CDH8: variants seen among roughly 807,000 people sequenced by gnomAD.
CDH8 encodes cadherin 8, also known as cadherin-8.
Under a neutral mutation model 68.1 loss-of-function variants are expected in CDH8, and 17 were observed. That is an observed-to-expected ratio of 0.25 (90% CI 0.17 to 0.37). The LOEUF is 0.37. Ranked by LOEUF, CDH8 falls within the 10% of genes least tolerant of loss-of-function variation. CDH8 has a pLI of 1.00. For missense variants in CDH8, 763 were observed against 999.3 expected (o/e 0.76, Z 3.19); for synonymous variants, 372 against 365.1 (o/e 1.02, Z -0.21).
chr16:61,711,235 C>A (rs1372667484), intron 10 of CDH8, among the ~76,000 whole-genome samples: 3 of 151,720 alleles, frequency 2.0e-5, no homozygotes, highest in African/African-American at 4.8e-5. Flanking sequence ...GCATTAGGAC[C>A]AATCCATATA....
At position 61,655,667 on chromosome 16, in the gene CDH8, T is replaced by C. The variant is rs377335189; in HGVS notation, c.1709A>G (p.Glu570Gly). 4.0e-5 allele frequency: 65 copies of C among 1,614,020 alleles called. No individual in the cohort carries two copies. Among genetic ancestry groups the C allele is most frequent in the Non-Finnish European group, 5.5e-5 (65 of 1,179,916 alleles). ...GATTATGATTGGTAAAAGATAGACT[T>C]CTTGCTTCTGGCGGTTGAATCCATT... ...KHNGFNRQKQ[E>G]VYLLPIIISD... Residue 570 changes from glutamate to glycine, a missense_variant, in exon 11 of 12, where the codon GAA (glutamate) becomes GGA (glycine). Physicochemically the swap from Glu to Gly is moderately conservative, Grantham distance 98. This residue lies in a region of CDH8 where 397 missense variants were observed against 436.2 expected (regional missense o/e 0.91). Coordinates refer to ENST00000577390, the MANE Select transcript of CDH8 (RefSeq NM_001796.5).
intron 8 of CDH8, among the ~76,000 whole-genome samples, chr16:61,759,730 A>G (rs1006829114): frequency 6.6e-6 from 1 of 152,118 alleles, no homozygotes; most frequent in Non-Finnish European, 1.5e-5. Flanking sequence ...TTAAAATCTC[A>G]GAGTGTTTTT....
At chr16:61,702,367 G>T (rs1009448777) in intron 10 of CDH8, among the ~76,000 whole-genome samples, 1 of 148,236 alleles carries the variant, frequency 6.7e-6, no homozygotes, top group Non-Finnish European at 1.5e-5. Context: ...GCGAGACTCC[G>T]TCTCAAAAAA....
At chr16:61,706,477 C>T (rs1037866257) in intron 10 of CDH8, among the ~76,000 whole-genome samples, 3 of 151,900 alleles carry the variant, frequency 2.0e-5, no homozygotes, top group Non-Finnish European at 4.4e-5. Flanking sequence ...AAAAATTAGC[C>T]GGGCGTGGTG....
At chr16:61,782,427 C>A (rs542457053) in intron 8 of CDH8, among the ~76,000 whole-genome samples, 1 of 151,948 alleles carries the variant, frequency 6.6e-6, no homozygotes, top group African/African-American at 2.4e-5. Context: ...ACACCTGGCT[C>A]GGAGGGTCCT....
At chr16:61,971,717 T>C (rs180810324) in intron 2 of CDH8, among the ~76,000 whole-genome samples, 68 of 152,272 alleles carry the variant, frequency 4.5e-4, no homozygotes, top group African/African-American at 1.6e-3. Context: ...GGGGTTGAAA[T>C]GCCTCTGTCT....
intron 8 of CDH8, among the ~76,000 whole-genome samples, chr16:61,759,695 AGCTCGAGGATGAT>A (rs903577026): frequency 1.3e-5 from 2 of 152,196 alleles, no homozygotes; most frequent in African/African-American, 4.8e-5. Context: ...ATACTGGGTC[AGCTCGAGGATGAT>A]GCTCTAATGA....
chr16:62,011,500 C>T (rs895544565), intron 2 of CDH8, among the ~76,000 whole-genome samples: 14 of 152,210 alleles, frequency 9.2e-5, no homozygotes, highest in African/African-American at 3.4e-4. Flanking sequence ...GCCTCCTTGA[C>T]CCTTTTTTAA....
At chr16:61,861,871 A>G (rs995781026) in intron 3 of CDH8, among the ~76,000 whole-genome samples, 4 of 152,226 alleles carry the variant, frequency 2.6e-5, no homozygotes, top group Admixed American at 6.5e-5. Context: ...AGTTATTGAC[A>G]CTACGAGCTT....
At chr16:61,719,994 A>AACACAC (rs10595910) in intron 9 of CDH8, among the ~76,000 whole-genome samples, 25 of 147,182 alleles carry the variant, frequency 1.7e-4, no homozygotes, top group Middle Eastern at 3.4e-3. Context: ...CTTATTAGGT[A>AACACAC]ACACACACAC....
At chr16:61,920,869 G>T (rs1295353394) in intron 2 of CDH8, among the ~76,000 whole-genome samples, 1 of 97,876 alleles carries the variant, frequency 1.0e-5, no homozygotes, top group Non-Finnish European at 2.1e-5. Flanking sequence ...GTCCAACAAT[G>T]ATAGACTGGA....
intron 4 of CDH8, among the ~76,000 whole-genome samples, chr16:61,852,885 C>T (rs1215924175): frequency 7.9e-5 from 9 of 113,210 alleles, no homozygotes; most frequent in East Asian, 5.4e-4. Flanking sequence ...TTCCTTCCTT[C>T]CTTCCTTCCA....
At chr16:61,790,405 G>A (rs1961351569) in intron 7 of CDH8, among the ~76,000 whole-genome samples, 1 of 152,004 alleles carries the variant, frequency 6.6e-6, no homozygotes, top group South Asian at 2.1e-4. Context: ...AGACTACAAG[G>A]TGGACTATTG....
chr16:61,731,820 T>C (rs1959545598), intron 8 of CDH8, among the ~76,000 whole-genome samples: 1 of 150,880 alleles, frequency 6.6e-6, no homozygotes, highest in Non-Finnish European at 1.5e-5. Flanking sequence ...TTTAACAGAG[T>C]TCAAAGTAGC....
chr16:61,796,733 G>A (rs367921563), intron 7 of CDH8, among the ~76,000 whole-genome samples: 3 of 151,968 alleles, frequency 2.0e-5, no homozygotes, highest in Admixed American at 6.6e-5. Flanking sequence ...TTTACTTTGC[G>A]GAATTAAGGA....
intron 8 of CDH8, among the ~76,000 whole-genome samples, chr16:61,768,311 C>CTCTCT (rs1567461041): frequency 2.2e-3 from 36 of 16,388 alleles, no homozygotes; most frequent in South Asian, 3.7e-3. Context: ...TGTGTCTCTC[C>CTCTCT]CTTTCTCTCT....
chr16:61,963,841 T>G (rs4783768), intron 2 of CDH8, among the ~76,000 whole-genome samples: 46,355 of 152,138 alleles, frequency 0.3, 8,073 homozygotes, highest in East Asian at 0.64. Context: ...AGTGAATGCT[T>G]AGAAACACAC....
chr16:61,685,965 C>T (rs1429968999), intron 10 of CDH8, among the ~76,000 whole-genome samples: 1 of 151,918 alleles, frequency 6.6e-6, no homozygotes, highest in Non-Finnish European at 1.5e-5. Context: ...TCTTAAATAA[C>T]TTAATTAGAA....
At position 61,652,622 on chromosome 16, in the gene CDH8, CA is replaced by C. The variant is rs1963346159; in HGVS notation, c.*985del. 9.4e-7 allele frequency: 1 copy of C among 1,059,078 alleles called. No homozygotes were observed. Among genetic ancestry groups the C allele is most frequent in the Non-Finnish European group, 1.2e-6 (1 of 847,278 alleles). 65.6% of individuals were successfully genotyped at this position (1,059,078 alleles called of 1,614,324 possible). On this transcript the variant is annotated 3_prime_UTR_variant, in exon 12 of 12. Transcript: ENST00000577390. Reference sequence around the variant, plus strand: ...CTCATCAAAATGTACATGTATTAAACATTCATTGTATATATATTTATATAAA... The same window carrying C: ...CTCATCAAAATGTACATGTATTAAACTTCATTGTATATATATTTATATAAA...
Sources: gnomAD v4.1 joint callset for allele counts (sites outside exome capture counted in the v4.1 genomes callset) on GRCh38, gnomAD v4.1.1 for gene constraint, gnomAD v4.1.1 regional missense constraint, MANE v1.5 for transcripts, NCBI Gene and HGNC (gene_info 2026-07-23, HGNC 2026-07-21) for gene names.